The following HNF1B variants were observed in gnomAD, a reference collection of about 807,000 sequenced individuals.
HNF1B encodes hepatocyte nuclear factor 1-beta.
A neutral mutation model predicts 61.7 loss-of-function variants in HNF1B; 8 were observed. That is an observed-to-expected ratio of 0.13 (90% CI 0.08 to 0.23). The LOEUF is 0.23. Ranked by LOEUF, HNF1B falls within the 10% of genes least tolerant of loss-of-function variation. The pLI is 1.00. For synonymous variants in HNF1B, 314 were observed against 287.7 expected (o/e 1.09, Z -0.93); for missense variants, 562 against 714.5 (o/e 0.79, Z 2.43).
At chr17:37,731,407 C>T in intron 4 of HNF1B, 188 bp downstream of exon 4, 1 of 695,290 alleles carries the variant, frequency 1.4e-6, no homozygotes, top group Middle Eastern at 2.3e-4. Flanking sequence ...ATGGCTGAAC[C>T]AGGAGTTGGA....
intron 8 of HNF1B, among the ~76,000 whole-genome samples, chr17:37,694,048 G>A (rs1174674349): frequency 6.6e-6 from 1 of 152,184 alleles, no homozygotes; most frequent in African/African-American, 2.4e-5. Flanking sequence ...TTCTTTTTAA[G>A]TTACCCAGCC....
At chr17:37,731,878 CTTG>C (rs757339192) in intron 3 of HNF1B, 48 bp from the exon 4 acceptor site, 13 of 1,258,458 alleles carry the variant, frequency 1.0e-5, no homozygotes, top group Non-Finnish European at 1.5e-5. Flanking sequence ...GGCGGGGGGA[CTTG>C]TTGGTGCTTG....
In HNF1B at chr17:37,739,677, G is replaced by A. The variant is rs368877715; in HGVS notation, c.345-38C>T. ...GCAGATGGTTAGGGTACTAGTGGGAGACATCTGGGGAGAAACATTCTTTTT... is the reference window on the plus strand; with the variant it reads ...GCAGATGGTTAGGGTACTAGTGGGAAACATCTGGGGAGAAACATTCTTTTT... On this transcript the variant is annotated intron_variant, in intron 1 of 8. Transcript: ENST00000617811. The A allele has an allele frequency of 1.4e-5, 21 of 1,502,146 alleles. No homozygotes were observed. In the African/African-American group the frequency reaches 2.5e-4, roughly 18 times the overall value. 93.1% of individuals were successfully genotyped at this position (1,502,146 alleles called of 1,614,324 possible).
intron 8 of HNF1B, among the ~76,000 whole-genome samples, chr17:37,697,232 G>GT (rs780089517): frequency 2.0e-5 from 3 of 152,228 alleles, no homozygotes; most frequent in Non-Finnish European, 4.4e-5. Context: ...AGTATAAACT[G>GT]TAACGTGCCA....
chr17:37,706,696 T>C (rs1194779513), intron 5 of HNF1B, among the ~76,000 whole-genome samples: 1 of 85,412 alleles, frequency 1.2e-5, no homozygotes, highest in African/African-American at 4.0e-5. Context: ...AAAAAAAAAA[T>C]CCGTAGCCTG....
At chr17:37,689,765 C>T (rs1053974918) in intron 8 of HNF1B, among the ~76,000 whole-genome samples, 1 of 152,294 alleles carries the variant, frequency 6.6e-6, no homozygotes, top group East Asian at 1.9e-4. Context: ...TATCGACATC[C>T]TACTGTGTGC....
At chr17:37,744,443 AC>A in intron 1 of HNF1B, 97 bp downstream of exon 1, 1 of 1,271,782 alleles carries the variant, frequency 7.9e-7, no homozygotes, top group Non-Finnish European at 1.1e-6. Context: ...CTGGTGGGAA[AC>A]GGGCTTGGCG....
chr17:37,692,786 A>G (rs2032248812), intron 8 of HNF1B, among the ~76,000 whole-genome samples: 1 of 152,182 alleles, frequency 6.6e-6, no homozygotes, highest in South Asian at 2.1e-4. Flanking sequence ...AGGGATCCGG[A>G]GCCCAGGCCC....
chr17:37,726,136 CTGTGTGTG>C (rs60311199), intron 4 of HNF1B, among the ~76,000 whole-genome samples: 1 of 150,346 alleles, frequency 6.7e-6, no homozygotes, highest in Non-Finnish European at 1.5e-5. Flanking sequence ...CTGCTGGGGG[CTGTGTGTG>C]TGTGTGTGTG....
chr17:37,726,054 A>C (rs935432044), intron 4 of HNF1B, among the ~76,000 whole-genome samples: 2 of 151,718 alleles, frequency 1.3e-5, no homozygotes, highest in African/African-American at 4.8e-5. Context: ...CCCTTACCCC[A>C]CCTCTTTGGC....
rs369134247 is a variant in HNF1B, at chr17:37,744,585, G to A, written c.300C>T (p.Thr100=). 5.0e-6 allele frequency: 8 copies of A among 1,607,268 alleles called. No homozygotes were observed. The African/African-American group carries it at 8.0e-5, about 16-fold the overall frequency. The stretch of plus-strand genomic sequence containing the variant: ...CCGCCCGCTGCTCCGCCGCCTCCTC[G>A]GTGTTGAGCGCCTGCAGCTCCTTGA... ...PILKELQALN[T]EEAAEQRAEV... is the part of the protein sequence containing the mutation. The change falls in exon 1 of 9, where the codon ACC becomes ACT. Residue 100 remains threonine, a synonymous_variant. Coordinates refer to ENST00000617811, the MANE Select transcript of HNF1B (RefSeq NM_000458.4).
chr17:37,687,923 A>T (rs1249471740), intron 8 of HNF1B, among the ~76,000 whole-genome samples: 2 of 152,144 alleles, frequency 1.3e-5, no homozygotes, highest in East Asian at 3.8e-4. Flanking sequence ...TGCATTTCTA[A>T]CAAGTTCCCA....
chr17:37,744,843 G>T lies in HNF1B; in HGVS notation c.42C>A (p.Ser14Arg). The change falls in exon 1 of 9, where the codon AGC becomes AGA. Residue 14 changes from serine to arginine, a missense_variant. By Grantham distance (110) the Ser-to-Arg change is moderately radical. Coordinates refer to ENST00000617811, the MANE Select transcript of HNF1B (RefSeq NM_000458.4). ...KLTSLQQELLSALLSSGVTKE... is the reference protein window; with the variant it reads ...KLTSLQQELLRALLSSGVTKE... The stretch of plus-strand genomic sequence containing the variant: ...TGGTGACCCCGGAGCTCAGCAGGGC[G>T]CTCAGGAGTTCTTGCTGGAGCGACG... The T allele has an allele frequency of 6.2e-7, 1 of 1,612,342 alleles. No individual in the cohort carries two copies. Among genetic ancestry groups the T allele is most frequent in the Non-Finnish European group, 8.5e-7 (1 of 1,179,840 alleles).
rs1399634848 is a variant in HNF1B at position 37,742,939 on chromosome 17, A to G, written c.344+1602T>C. ...CTTCCCCCCTCTAAGCCGCGTTTACAACTTCACCAATGAATAACCCGCCTC... is the reference window on the plus strand; with the variant it reads ...CTTCCCCCCTCTAAGCCGCGTTTACGACTTCACCAATGAATAACCCGCCTC... On this transcript the variant is annotated intron_variant, in intron 1 of 8. Coordinates refer to ENST00000617811, the MANE Select transcript of HNF1B (RefSeq NM_000458.4). Among the ~76,000 whole-genome samples, 3 of 151,776 alleles carry G rather than the reference A, an allele frequency of 2.0e-5. No individual in the cohort carries two copies. In the East Asian group the frequency reaches 5.8e-4, roughly 29 times the overall value.
intron 4 of HNF1B, among the ~76,000 whole-genome samples, chr17:37,716,667 G>A (rs993711333): frequency 2.6e-5 from 4 of 152,216 alleles, no homozygotes; most frequent in Admixed American, 6.5e-5. Flanking sequence ...ACCCCAGAGA[G>A]GAGCTGCTCA....
At position 37,744,634 on chromosome 17, in the gene HNF1B, T is replaced by C; in HGVS notation, c.251A>G (p.Asp84Gly). The C allele has an allele frequency of 6.2e-7, 1 of 1,612,034 alleles. No homozygotes were observed. ...LSGDEGSEDGDDYDTPPILKE... is the reference protein window; with the variant it reads ...LSGDEGSEDGGDYDTPPILKE... ...GAGGATGGGAGGTGTGTCATAGTCG[T>C]CGCCGTCCTCGGAGCCCTCGTCGCC... Residue 84 changes from aspartate (D) to glycine (G), a missense_variant, in exon 1 of 9, where the codon GAC becomes GGC. Asp to Gly is a moderately conservative substitution (Grantham distance 94). Transcript: ENST00000617811.
At chr17:37,740,877 T>C (rs2033972586) in intron 1 of HNF1B, among the ~76,000 whole-genome samples, 2 of 152,248 alleles carry the variant, frequency 1.3e-5, no homozygotes, top group Admixed American at 1.3e-4. Context: ...GTTTCAACTT[T>C]GCCAATATCT....
At chr17:37,707,406 T>C (rs2032786626) in intron 5 of HNF1B, among the ~76,000 whole-genome samples, 1 of 152,222 alleles carries the variant, frequency 6.6e-6, no homozygotes. Context: ...TGAGCCACTG[T>C]GCCCGGCTAC....
At chr17:37,707,652 T>TGGTA (rs1319269828) in intron 5 of HNF1B, among the ~76,000 whole-genome samples, 1 of 152,124 alleles carries the variant, frequency 6.6e-6, no homozygotes. Context: ...TGTGCCCAAG[T>TGGTA]GGTAGAATTG....
Sources: gnomAD v4.1 joint callset for allele counts (sites outside exome capture counted in the v4.1 genomes callset) on GRCh38, gnomAD v4.1.1 for gene constraint, MANE v1.5 for transcripts, NCBI Gene and HGNC (gene_info 2026-07-23, HGNC 2026-07-21) for gene names.